The following PHAX variants were observed in gnomAD, a reference collection of about 807,000 sequenced individuals.
The protein encoded by PHAX is phosphorylated adapter RNA export protein.
In PHAX, 31 loss-of-function variants were observed where a neutral mutation model predicts 41.6. The ratio of observed to expected loss-of-function variants is 0.75; its 90% CI spans 0.56 to 1.01. The LOEUF is 1.01. Among genes scored for constraint, PHAX ranks in the 50% least tolerant of loss-of-function variants. PHAX has a pLI of 0.00. For synonymous variants in PHAX, 175 were observed against 164.9 expected, an observed-to-expected ratio of 1.06 and a Z score of -0.47; for missense variants, 453 against 472.9, an observed-to-expected ratio of 0.96 and a Z score of 0.39.
At chr5:126,623,234 G>A (rs577575710) in intron 4 of PHAX, among the ~76,000 whole-genome samples, 2 of 152,190 alleles carry the variant, frequency 1.3e-5, no homozygotes, top group South Asian at 4.1e-4. Flanking sequence ...GCTGCAGTGA[G>A]GTATAATTAT....
At chr5:126,615,508 C>CT (rs35158448) in intron 3 of PHAX, among the ~76,000 whole-genome samples, 26,627 of 111,336 alleles carry the variant, frequency 0.24, 3,749 homozygotes, top group African/African-American at 0.34. Flanking sequence ...ACATTCTGTG[C>CT]TTTTTTTTTT....
intron 2 of PHAX, among the ~76,000 whole-genome samples, chr5:126,605,088 C>A (rs1274044380): frequency 1.3e-5 from 2 of 151,406 alleles, no homozygotes; most frequent in Non-Finnish European, 2.9e-5. Context: ...GTGTCAAACT[C>A]CTGGGAACAA....
intron 4 of PHAX, among the ~76,000 whole-genome samples, chr5:126,622,545 G>A (rs931115922): frequency 4.3e-5 from 6 of 140,358 alleles, no homozygotes; most frequent in African/African-American, 1.6e-4. Context: ...TGACCACCTC[G>A]GCCTCCTGAA....
At position 126,608,352 on chromosome 5, in the gene PHAX, G is replaced by T; in HGVS notation, c.711-12G>T. 21 of 1,610,760 alleles carry T rather than the reference G, an allele frequency of 1.3e-5. No individual in the cohort carries two copies. Among genetic ancestry groups the T allele is most frequent in the Non-Finnish European group, 1.8e-5 (21 of 1,178,530 alleles). On this transcript the variant is annotated splice_polypyrimidine_tract_variant and intron_variant, in intron 2 of 4. Coordinates refer to ENST00000297540, the MANE Select transcript of PHAX (RefSeq NM_032177.4). ...ACAAACAAAGAGGATAATTTTACTT[G>T]TTTCTCATCAGGTTACAGGAACCAA...
chr5:126,622,173 C>T (rs1002689326), intron 4 of PHAX, among the ~76,000 whole-genome samples: 14 of 151,770 alleles, frequency 9.2e-5, no homozygotes, highest in African/African-American at 2.9e-4. Context: ...CTTGCTCTAT[C>T]GCCAGGCTGG....
At chr5:126,614,111 A>G (rs993036534) in intron 3 of PHAX, among the ~76,000 whole-genome samples, 2 of 151,766 alleles carry the variant, frequency 1.3e-5, no homozygotes, top group African/African-American at 4.8e-5. Flanking sequence ...TGCAATTAAC[A>G]TATATTTGAG....
chr5:126,601,821 C>T (rs115842482), intron 1 of PHAX, among the ~76,000 whole-genome samples: 4,765 of 152,232 alleles, frequency 0.031, 224 homozygotes, highest in African/African-American at 0.11. Context: ...CGCCCGCTGC[C>T]ACGCCCGGTT....
At chr5:126,619,025 C>T (rs779237385) in intron 4 of PHAX, among the ~76,000 whole-genome samples, 3 of 152,154 alleles carry the variant, frequency 2.0e-5, no homozygotes, top group Non-Finnish European at 4.4e-5. Context: ...CTTGACCTCC[C>T]TGGTCTTAGA....
chr5:126,604,208 T>C, intron 2 of PHAX, 25 bp downstream of exon 2: 1 of 1,506,000 alleles, frequency 6.6e-7, no homozygotes, highest in Non-Finnish European at 8.9e-7. Context: ...TACAAATAAG[T>C]ACTTGACCAG....
At chr5:126,615,254 G>A (rs1330436857) in intron 3 of PHAX, among the ~76,000 whole-genome samples, 2 of 151,904 alleles carry the variant, frequency 1.3e-5, no homozygotes, top group African/African-American at 2.4e-5. Context: ...ATGCTCAGTC[G>A]ATCCTCATTA....
At chr5:126,611,647 C>T (rs1158932164) in intron 3 of PHAX, among the ~76,000 whole-genome samples, 1 of 151,832 alleles carries the variant, frequency 6.6e-6, no homozygotes, top group African/African-American at 2.4e-5. Context: ...ATATATTAGC[C>T]AGGCTTGGTG....
intron 2 of PHAX, 74 bp downstream of exon 2, chr5:126,604,257 A>G (rs2112828817): frequency 8.4e-7 from 1 of 1,185,492 alleles, no homozygotes; most frequent in East Asian, 2.5e-5. Flanking sequence ...AATGCCAAAT[A>G]CTTTAATGAT....
chr5:126,624,445 T>C, intron 4 of PHAX, 130 bp from the exon 5 acceptor site: 2 of 754,412 alleles, frequency 2.7e-6, no homozygotes, highest in Non-Finnish European at 4.3e-6. Context: ...GAACTCCATC[T>C]TAATAATGAG....
In PHAX at chr5:126,611,483, T is replaced by C. The variant is rs561630429; in HGVS notation, c.831+2999T>C. On this transcript the variant is annotated intron_variant, in intron 3 of 4. Transcript: ENST00000297540. Reference sequence around the variant, plus strand: ...GAAGACAGTCTATAAACAATAAATATAACTTCAAGTATGTTAAAAAGTGAT... The same window carrying C: ...GAAGACAGTCTATAAACAATAAATACAACTTCAAGTATGTTAAAAAGTGAT... 3.9e-5 allele frequency among the ~76,000 whole-genome samples: 6 copies of C among 152,280 alleles called. No homozygotes were observed. The East Asian group carries it at 1.2e-3, about 29-fold the overall frequency.
intron 2 of PHAX, among the ~76,000 whole-genome samples, chr5:126,605,418 A>G (rs568372514): frequency 6.6e-6 from 1 of 152,072 alleles, no homozygotes; most frequent in Non-Finnish European, 1.5e-5. Flanking sequence ...TTTATGAGAC[A>G]GTCTTGCTCT....
At chr5:126,618,248 CTT>C (rs1040637902) in intron 4 of PHAX, among the ~76,000 whole-genome samples, 31 of 151,958 alleles carry the variant, frequency 2.0e-4, no homozygotes, top group African/African-American at 6.3e-4. Flanking sequence ...CCTATACAGT[CTT>C]TTCCTGTTCC....
At chr5:126,622,257 C>T (rs1360894372) in intron 4 of PHAX, among the ~76,000 whole-genome samples, 1 of 152,032 alleles carries the variant, frequency 6.6e-6, no homozygotes, top group South Asian at 2.1e-4. Flanking sequence ...CCTCAGCCTC[C>T]CAAGTAGCTT....
At chr5:126,611,334 G>A (rs914554270) in intron 3 of PHAX, among the ~76,000 whole-genome samples, 6 of 152,294 alleles carry the variant, frequency 3.9e-5, no homozygotes, top group East Asian at 3.9e-4. Context: ...GATTACAGGC[G>A]TGAGGCACCA....
chr5:126,611,392 T>C (rs1752096254), intron 3 of PHAX, among the ~76,000 whole-genome samples: 1 of 152,216 alleles, frequency 6.6e-6, no homozygotes, highest in African/African-American at 2.4e-5. Flanking sequence ...TTTCCTTGAA[T>C]TCAGTGCTTT....
Sources: allele counts gnomAD v4.1 joint callset (sites outside exome capture counted in the v4.1 genomes callset), GRCh38; gene constraint gnomAD v4.1.1; transcripts MANE v1.5; gene names NCBI Gene and HGNC (gene_info 2026-07-23, HGNC 2026-07-21).